ATP6V1H: variants seen among roughly 807,000 people sequenced by gnomAD.
ATP6V1H encodes the protein ATPase H+ transporting V1 subunit H.
Under a neutral mutation model 71.7 loss-of-function variants are expected in ATP6V1H, and 39 were observed. The observed-to-expected ratio is 0.54, with a 90% CI of 0.42 to 0.71. ATP6V1H has a LOEUF of 0.71. Among genes scored for constraint, ATP6V1H ranks in the 30% least tolerant of loss-of-function variants. ATP6V1H has a pLI of 0.00. For synonymous variants in ATP6V1H, 192 were observed against 199.3 expected (o/e 0.96, Z 0.31); for missense variants, 509 against 594.9 (o/e 0.86, Z 1.50).
chr8:53,775,515 G>T lies in ATP6V1H; in HGVS notation c.871-3348C>A, dbSNP rs549082901. 1.7e-4 allele frequency among the ~76,000 whole-genome samples: 26 copies of T among 152,096 alleles called. No homozygotes were observed. The South Asian group carries it at 5.4e-3, about 32-fold the overall frequency. ...TGAGCTACATACAAAGGTTCTCCAC[G>T]TCCCCATCAGATTAGTTAGATACAG... On this transcript the variant is annotated intron_variant, in intron 9 of 13. Coordinates refer to ENST00000359530, the MANE Select transcript of ATP6V1H (RefSeq NM_015941.4).
intron 11 of ATP6V1H, 102 bp from the exon 12 acceptor site, chr8:53,756,758 A>G: frequency 1.4e-6 from 1 of 695,624 alleles, no homozygotes; most frequent in Non-Finnish European, 2.4e-6. Flanking sequence ...ATAGACATTT[A>G]TTAATATATT....
intron 11 of ATP6V1H, among the ~76,000 whole-genome samples, chr8:53,766,986 C>T (rs935336325): frequency 6.6e-6 from 1 of 152,100 alleles, no homozygotes. Context: ...TCGCACACTC[C>T]CTCCCCTTTT....
intron 9 of ATP6V1H, among the ~76,000 whole-genome samples, chr8:53,772,376 C>T (rs559722160): frequency 1.3e-5 from 2 of 152,218 alleles, no homozygotes; most frequent in Admixed American, 1.3e-4. Flanking sequence ...TTTTGTATTT[C>T]CTGGATTACT....
chr8:53,737,193 A>T (rs1000957163), intron 13 of ATP6V1H, among the ~76,000 whole-genome samples: 8 of 152,236 alleles, frequency 5.3e-5, no homozygotes, highest in Admixed American at 5.2e-4. Flanking sequence ...TTAACCTAGT[A>T]TCTAAGGGGT....
chr8:53,743,922 C>G (rs983146399), intron 12 of ATP6V1H, among the ~76,000 whole-genome samples: 1 of 152,164 alleles, frequency 6.6e-6, no homozygotes, highest in African/African-American at 2.4e-5. Flanking sequence ...TTTCTCATCT[C>G]TAATCCAGAA....
At chr8:53,778,162 T>TA (rs1808960079) in intron 9 of ATP6V1H, among the ~76,000 whole-genome samples, 3 of 150,686 alleles carry the variant, frequency 2.0e-5, no homozygotes, top group Non-Finnish European at 4.4e-5. Context: ...AACAAATAGT[T>TA]AAAGACCCCA....
intron 13 of ATP6V1H, among the ~76,000 whole-genome samples, chr8:53,719,920 G>C (rs1214251452): frequency 1.3e-5 from 2 of 152,106 alleles, no homozygotes; most frequent in Non-Finnish European, 2.9e-5. Flanking sequence ...AACAACAAGT[G>C]GGTGTGAAAA....
intron 11 of ATP6V1H, among the ~76,000 whole-genome samples, chr8:53,757,950 T>G (rs1808132924): frequency 6.6e-6 from 1 of 152,208 alleles, no homozygotes; most frequent in Non-Finnish European, 1.5e-5. Flanking sequence ...TATAAAGATG[T>G]AGGTAAGGTA....
intron 13 of ATP6V1H, among the ~76,000 whole-genome samples, chr8:53,729,553 G>A (rs1806942249): frequency 6.6e-6 from 1 of 152,128 alleles, no homozygotes; most frequent in South Asian, 2.1e-4. Context: ...TTTACACCCT[G>A]GGGGCCACAT....
At chr8:53,768,914 G>A (rs534573051) in intron 11 of ATP6V1H, among the ~76,000 whole-genome samples, 6 of 152,096 alleles carry the variant, frequency 3.9e-5, no homozygotes, top group Non-Finnish European at 5.9e-5. Flanking sequence ...CAGATGAATT[G>A]TATGCTATAC....
chr8:53,819,663 T>C (rs181013275), intron 4 of ATP6V1H, among the ~76,000 whole-genome samples: 1,486 of 130,652 alleles, frequency 0.011, 18 homozygotes, highest in Middle Eastern at 0.05. Flanking sequence ...TATACGTATA[T>C]ACATATATAC....
chr8:53,771,973 A>G lies in ATP6V1H; in HGVS notation c.1049+16T>C. ...CCAACAGATCCAGCACATGAGAATT[A>G]AAAAGAATAACACACCTAAGGTCCT... On this transcript the variant is annotated intron_variant, in intron 10 of 13. Coordinates refer to ENST00000359530, the MANE Select transcript of ATP6V1H (RefSeq NM_015941.4). The G allele has an allele frequency of 6.2e-7, 1 of 1,601,412 alleles. No individual in the cohort carries two copies. The highest frequency in any genetic ancestry group is 8.5e-7 in the Non-Finnish European group (1 of 1,173,898).
intron 2 of ATP6V1H, among the ~76,000 whole-genome samples, chr8:53,838,127 C>CTT (rs11388813): frequency 6.1e-4 from 89 of 146,272 alleles, no homozygotes; most frequent in African/African-American, 1.3e-3. Flanking sequence ...CTGTTACTGT[C>CTT]TTTTTTTTTT....
At chr8:53,805,096 T>C (rs970805564) in intron 7 of ATP6V1H, among the ~76,000 whole-genome samples, 2 of 152,218 alleles carry the variant, frequency 1.3e-5, no homozygotes, top group African/African-American at 4.8e-5. Context: ...AAAGTAAAAC[T>C]AATGTTATAA....
At chr8:53,718,524 G>T (rs180925345) in intron 13 of ATP6V1H, among the ~76,000 whole-genome samples, 5 of 151,666 alleles carry the variant, frequency 3.3e-5, no homozygotes, top group African/African-American at 4.8e-5. Flanking sequence ...TGAGAAGCTG[G>T]AACTACAGGT....
At chr8:53,724,722 A>G (rs1243722213) in intron 13 of ATP6V1H, among the ~76,000 whole-genome samples, 1 of 151,934 alleles carries the variant, frequency 6.6e-6, no homozygotes, top group Non-Finnish European at 1.5e-5. Context: ...CCTGGATGTA[A>G]GATAAAAACA....
chr8:53,766,487 T>C (rs1808471310), intron 11 of ATP6V1H, among the ~76,000 whole-genome samples: 1 of 152,234 alleles, frequency 6.6e-6, no homozygotes, highest in Non-Finnish European at 1.5e-5. Context: ...AAGAACAGGA[T>C]AATAGCAATT....
At position 53,756,537 on chromosome 8, in the gene ATP6V1H, T is replaced by C. The variant is rs1808071090; in HGVS notation, c.1277+18A>G. The C allele has an allele frequency of 6.2e-7, 1 of 1,601,246 alleles. No individual in the cohort carries two copies. ...GAAGGTTTCAAGAAACCAAATGAAA[T>C]GAATGGCTTTCTCTTACCGTTTGCC... On this transcript the variant is annotated intron_variant, in intron 12 of 13. Coordinates refer to ENST00000359530, the MANE Select transcript of ATP6V1H (RefSeq NM_015941.4).
intron 9 of ATP6V1H, among the ~76,000 whole-genome samples, chr8:53,794,366 TTTTAC>T (rs1809661506): frequency 6.6e-6 from 1 of 152,246 alleles, no homozygotes; most frequent in Admixed American, 6.5e-5. Flanking sequence ...TTTATTTTCA[TTTTAC>T]TTTATTTTTT....
Sources: gnomAD v4.1 joint callset for allele counts (sites outside exome capture counted in the v4.1 genomes callset) on GRCh38, gnomAD v4.1.1 for gene constraint, MANE v1.5 for transcripts, NCBI Gene and HGNC (gene_info 2026-07-23, HGNC 2026-07-21) for gene names.